The following YIPF1 variants were observed in gnomAD, a reference collection of about 807,000 sequenced individuals.
The protein encoded by YIPF1 is Yip1 domain family member 1.
YIPF1 carries 22 observed loss-of-function variants against 37.0 expected under a neutral mutation model. The observed-to-expected ratio is 0.59, with a 90% confidence interval of 0.42 to 0.85. YIPF1 has a LOEUF of 0.85. Ranked by LOEUF, YIPF1 falls within the 40% of genes least tolerant of loss-of-function variation. The probability of loss-of-function intolerance (pLI) is 0.00; values close to 1 mark genes in which losing one functional copy is unlikely to be tolerated. For missense variants in YIPF1, 355 were observed against 373.1 expected, an observed-to-expected ratio of 0.95 and a Z score of 0.40; for synonymous variants, 128 against 131.9, an observed-to-expected ratio of 0.97 and a Z score of 0.21.
At chr1:53,870,124 G>A (rs1477352474) in intron 7 of YIPF1, among the ~76,000 whole-genome samples, 2 of 145,484 alleles carry the variant, frequency 1.4e-5, no homozygotes, top group South Asian at 2.2e-4. Flanking sequence ...CTCCCAAAGT[G>A]CTGGGATTAC....
At chr1:53,872,204 C>T (rs978804251) in intron 6 of YIPF1, among the ~76,000 whole-genome samples, 5 of 152,170 alleles carry the variant, frequency 3.3e-5, no homozygotes, top group Non-Finnish European at 7.4e-5. Context: ...CACTCCCTCT[C>T]TGTGCCCCGG....
chr1:53,872,686 A>G (rs1650225200), intron 6 of YIPF1, among the ~76,000 whole-genome samples: 1 of 152,214 alleles, frequency 6.6e-6, no homozygotes, highest in Non-Finnish European at 1.5e-5. Flanking sequence ...CAAAATTACG[A>G]ACATTACTGT....
At chr1:53,860,572 T>C (rs1649843894) in intron 9 of YIPF1, among the ~76,000 whole-genome samples, 1 of 152,186 alleles carries the variant, frequency 6.6e-6, no homozygotes. Context: ...CAGTCTTTCC[T>C]CCAGGGCAAA....
chr1:53,871,222 C>A, intron 7 of YIPF1, 150 bp downstream of exon 7: 1 of 587,186 alleles, frequency 1.7e-6, no homozygotes, highest in Non-Finnish European at 3.0e-6. Flanking sequence ...GGGTGGTAAA[C>A]TCATCTACAC....
chr1:53,871,356 C>A lies in YIPF1; in HGVS notation c.481+16G>T. 6.2e-7 allele frequency: 1 copy of A among 1,606,408 alleles called. No individual in the cohort carries two copies. Among genetic ancestry groups the A allele is most frequent in the African/African-American group, 1.3e-5 (1 of 74,844 alleles). On this transcript the variant is annotated intron_variant, in intron 7 of 10. Coordinates refer to ENST00000072644, the MANE Select transcript of YIPF1 (RefSeq NM_018982.5). ...GAAACTGACAGCATTCCAAATGAGT[C>A]AAGCTATTCACCAACCTTTTCGGAA...
chr1:53,864,395 G>A (rs1295963564), intron 9 of YIPF1, among the ~76,000 whole-genome samples: 3 of 152,228 alleles, frequency 2.0e-5, no homozygotes, highest in African/African-American at 7.2e-5. Context: ...CCCGCCTTGA[G>A]GGCTTAAAGC....
chr1:53,878,821 C>T (rs989013863), intron 4 of YIPF1, 99 bp from the exon 5 acceptor site: 5 of 1,105,108 alleles, frequency 4.5e-6, no homozygotes, highest in East Asian at 2.8e-5. Flanking sequence ...AAAAGCAAAA[C>T]GTTTGAAACA....
intron 3 of YIPF1, among the ~76,000 whole-genome samples, chr1:53,888,051 C>T (rs1650701165): frequency 6.6e-6 from 1 of 152,124 alleles, no homozygotes; most frequent in Admixed American, 6.5e-5. Context: ...TATGGTGAAG[C>T]CCCGTCTCTA....
At chr1:53,889,122 C>G (rs1489849988) in intron 2 of YIPF1, 122 bp downstream of exon 2, 4 of 481,738 alleles carry the variant, frequency 8.3e-6, no homozygotes, top group Non-Finnish European at 1.5e-5. Context: ...ATAAAGATAA[C>G]CACTAAGCAT....
chr1:53,861,688 G>C (rs1168493330), intron 9 of YIPF1, among the ~76,000 whole-genome samples: 2 of 130,578 alleles, frequency 1.5e-5, no homozygotes, highest in African/African-American at 5.5e-5. Flanking sequence ...AAGGGAGAGA[G>C]AGAGGGAGGG....
intron 3 of YIPF1, 106 bp from the exon 4 acceptor site, chr1:53,883,382 C>T (rs1650557114): frequency 8.0e-7 from 1 of 1,246,674 alleles, no homozygotes; most frequent in Non-Finnish European, 1.0e-6. Flanking sequence ...TGCTATAGAC[C>T]CTACCTGATA....
rs775105395 is a variant in YIPF1 at position 53,860,157 on chromosome 1, T to TG, written c.832-5dup. On this transcript the variant is annotated splice_polypyrimidine_tract_variant and splice_region_variant and intron_variant, in intron 9 of 10. Transcript: ENST00000072644. ...CTGGTGCATCAAAAAAGTATGCCTG[T>TG]GGGGAAAAAAAGACCCAGGAGGGAG... is the stretch of plus-strand genomic sequence containing the variant. 3.7e-6 allele frequency: 6 copies of TG among 1,613,714 alleles called. 1 individual carries two copies. In the South Asian group the frequency reaches 6.6e-5, roughly 18 times the overall value.
At chr1:53,882,452 C>CT (rs1274314565) in intron 4 of YIPF1, among the ~76,000 whole-genome samples, 282 of 148,202 alleles carry the variant, frequency 1.9e-3, no homozygotes, top group Admixed American at 3.6e-3. Flanking sequence ...TCAATCTTTC[C>CT]TTTTTTTTTT....
At chr1:53,853,392 G>C (rs1292588832) in intron 10 of YIPF1, among the ~76,000 whole-genome samples, 1 of 152,190 alleles carries the variant, frequency 6.6e-6, no homozygotes, top group East Asian at 1.9e-4. Context: ...TGGGGGATGA[G>C]TATAGCTTGG....
rs963556670 is a variant in YIPF1, at chr1:53,878,638, A to C, written c.276+4T>G. ...AAAAGGAAAGGTGAAATTGGTTTCC[A>C]AACCTGGTAGGTGTCCACATCAAAG... On this transcript the variant is annotated splice_donor_region_variant and intron_variant, in intron 5 of 10. Coordinates refer to ENST00000072644, the MANE Select transcript of YIPF1 (RefSeq NM_018982.5). 1 of 1,599,362 alleles carries C rather than the reference A, an allele frequency of 6.3e-7. No individual in the cohort carries two copies.
At chr1:53,864,729 G>A (rs1649972783) in intron 9 of YIPF1, among the ~76,000 whole-genome samples, 1 of 151,724 alleles carries the variant, frequency 6.6e-6, no homozygotes, top group South Asian at 2.1e-4. Flanking sequence ...TTCAAAACCT[G>A]CAACAGGGCT....
In YIPF1 at chr1:53,866,817, A is replaced by G. The variant is rs766369297; in HGVS notation, c.589T>C (p.Ser197Pro). The G allele has an allele frequency of 2.5e-6, 4 of 1,614,218 alleles. No individual in the cohort carries two copies. Among genetic ancestry groups the G allele is most frequent in the Non-Finnish European group, 2.5e-6 (3 of 1,180,034 alleles). Residue 197 changes from serine to proline, a missense_variant, in exon 8 of 11, where the codon TCA (serine) becomes CCA (proline). By Grantham distance (74) the Ser-to-Pro change is moderately conservative. Transcript: ENST00000072644. ...NSKVMNIVSY[S>P]FLEIVCVYGY... ...TAGACACACACAATCTCCAGAAATG[A>G]ATAGGAGACGATGTTCATAACTTTG... is the stretch of plus-strand genomic sequence containing the variant.
intron 3 of YIPF1, among the ~76,000 whole-genome samples, chr1:53,888,697 C>T (rs550681393): frequency 1.3e-5 from 2 of 152,222 alleles, no homozygotes; most frequent in South Asian, 4.1e-4. Flanking sequence ...TTATGATACT[C>T]GTTACCAATC....
intron 9 of YIPF1, 114 bp from the exon 10 acceptor site, chr1:53,860,267 C>A: frequency 1.1e-6 from 1 of 910,146 alleles, no homozygotes; most frequent in Non-Finnish European, 1.7e-6. Context: ...TAAGTTCTTC[C>A]TACCATATTT....
Sources: gnomAD v4.1 joint callset for allele counts (sites outside exome capture counted in the v4.1 genomes callset) on GRCh38, gnomAD v4.1.1 for gene constraint, MANE v1.5 for transcripts, NCBI Gene and HGNC (gene_info 2026-07-23, HGNC 2026-07-21) for gene names.